Variants in GLRA2 observed in about 807,000 individuals in gnomAD.
GLRA2 encodes glycine receptor subunit alpha-2.
In GLRA2, 11 loss-of-function variants were observed where a neutral mutation model predicts 31.6. The observed-to-expected ratio is 0.35, with a 90% confidence interval of 0.22 to 0.58. The LOEUF (loss-of-function observed/expected upper bound fraction) is 0.58. Ranked by LOEUF, GLRA2 falls within the 20% of genes least tolerant of loss-of-function variation. The pLI is 0.84. For missense variants in GLRA2, 212 were observed against 351.8 expected, an observed-to-expected ratio of 0.60 and a Z score of 3.18; for synonymous variants, 132 against 134.0, an observed-to-expected ratio of 0.99 and a Z score of 0.10.
At chrX:14,469,801 T>C in the GLRA2 span, among the ~76,000 whole-genome samples, 2 of 108,146 alleles carry the variant, frequency 1.8e-5, no homozygotes, top group Non-Finnish European at 3.8e-5. Flanking sequence ...CATATGTAAC[T>C]AACCTGCACA....
At chrX:14,552,731 C>T (rs1422108370) in intron 2 of GLRA2, among the ~76,000 whole-genome samples, 1 of 112,160 alleles carries the variant, frequency 8.9e-6, no homozygotes, top group African/African-American at 3.2e-5. Flanking sequence ...GACCTTCTAC[C>T]TCCATTGCCT....
intron 8 of GLRA2, among the ~76,000 whole-genome samples, chrX:14,695,130 A>T (rs2091424364): frequency 1.8e-5 from 2 of 108,969 alleles, no homozygotes; most frequent in East Asian, 2.8e-4. Context: ...CACAAAACTA[A>T]GTGAGATTAC....
At chrX:14,545,399 A>C (rs934317151) in intron 2 of GLRA2, among the ~76,000 whole-genome samples, 4 of 111,344 alleles carry the variant, frequency 3.6e-5, no homozygotes, top group African/African-American at 1.3e-4. Context: ...ACCCACTCCT[A>C]TGACAATGAC....
At chrX:14,730,134 A>G in intron 8 of GLRA2, 73 bp from the exon 9 acceptor site, 1 of 793,054 alleles carries the variant, frequency 1.3e-6, no homozygotes, top group African/African-American at 2.0e-5. Flanking sequence ...TTTTACTTCT[A>G]AAGAATTTTA....
chrX:14,694,322 T>C (rs747173739), intron 8 of GLRA2, among the ~76,000 whole-genome samples: 23 of 111,904 alleles, frequency 2.1e-4, no homozygotes, highest in African/African-American at 6.5e-4. Context: ...AGGTTAAATA[T>C]ATATATTCAT....
chrX:14,454,156 A>G, the GLRA2 span, among the ~76,000 whole-genome samples: 1 of 48,601 alleles, frequency 2.1e-5, no homozygotes, highest in Non-Finnish European at 3.4e-5. Flanking sequence ...GTATAGAACT[A>G]AACACACCCA....
At chrX:14,622,657 T>A (rs2090535458) in intron 7 of GLRA2, among the ~76,000 whole-genome samples, 1 of 111,838 alleles carries the variant, frequency 8.9e-6, no homozygotes, top group South Asian at 3.7e-4. Flanking sequence ...AAAGATCAGA[T>A]GGTTATAGAT....
Position 14,724,119 on chromosome X carries a change from C to G in GLRA2, c.1081-6088C>G, listed in dbSNP as rs533831877. Among the ~76,000 whole-genome samples, 36 of 111,504 alleles carry G rather than the reference C, an allele frequency of 3.2e-4. 1 individual carries two copies. The South Asian group carries it at 0.013, about 42-fold the overall frequency. On this transcript the variant is annotated intron_variant, in intron 8 of 8. Coordinates refer to ENST00000218075, the MANE Select transcript of GLRA2 (RefSeq NM_002063.4). Reference sequence around the variant, plus strand: ...TTTTTTCCAAAGCACCCATCATTATCTGTGTGTGTCTTGTGTGTATATGCA... The same window carrying G: ...TTTTTTCCAAAGCACCCATCATTATGTGTGTGTGTCTTGTGTGTATATGCA...
At chrX:14,711,318 C>G (rs1479710345) in intron 8 of GLRA2, among the ~76,000 whole-genome samples, 2 of 112,087 alleles carry the variant, frequency 1.8e-5, no homozygotes, top group Non-Finnish European at 3.8e-5. Flanking sequence ...ATCCAGTGAC[C>G]CAGGGACAAC....
intron 7 of GLRA2, among the ~76,000 whole-genome samples, chrX:14,650,431 T>C (rs1189394036): frequency 1.8e-5 from 2 of 110,393 alleles, no homozygotes; most frequent in Non-Finnish European, 3.8e-5. Context: ...TAGTGACAGG[T>C]TAATCAAATA....
intron 7 of GLRA2, among the ~76,000 whole-genome samples, chrX:14,663,411 G>C (rs145405482): frequency 0.028 from 3,112 of 110,517 alleles, 71 homozygotes; most frequent in African/African-American, 0.078. Flanking sequence ...TGAAAAAGTA[G>C]ATGATGCTAA....
intron 4 of GLRA2, among the ~76,000 whole-genome samples, chrX:14,597,784 G>T (rs1372157076): frequency 1.8e-5 from 2 of 111,815 alleles, no homozygotes; most frequent in Admixed American, 1.9e-4. Flanking sequence ...GTCGGTTAAA[G>T]CTGTATTCAA....
chrX:14,650,578 C>A (rs2090878683), intron 7 of GLRA2, among the ~76,000 whole-genome samples: 1 of 110,994 alleles, frequency 9.0e-6, no homozygotes. Flanking sequence ...AGGCTTTCTA[C>A]CCATTGAGAA....
At chrX:14,478,649 G>C in the GLRA2 span, among the ~76,000 whole-genome samples, 4 of 112,066 alleles carry the variant, frequency 3.6e-5, no homozygotes, top group Non-Finnish European at 5.6e-5. Flanking sequence ...TCTTCTGTTG[G>C]TGATAGTTTT....
chrX:14,474,957 GAAAC>G, the GLRA2 span, among the ~76,000 whole-genome samples: 1 of 112,117 alleles, frequency 8.9e-6, no homozygotes, highest in Middle Eastern at 4.6e-3. Flanking sequence ...CTATGAATAG[GAAAC>G]AAATATTTGT....
intron 8 of GLRA2, among the ~76,000 whole-genome samples, chrX:14,716,101 G>A (rs5935800): frequency 0.47 from 52,035 of 109,612 alleles, 9,486 homozygotes; most frequent in Non-Finnish European, 0.57. Context: ...TCTCAGGGCC[G>A]GGGTTGAAAG....
chrX:14,460,394 G>T, the GLRA2 span, among the ~76,000 whole-genome samples: 1 of 111,864 alleles, frequency 8.9e-6, no homozygotes, highest in Non-Finnish European at 1.9e-5. Flanking sequence ...CATAAAATGC[G>T]TTAGGGAGGA....
At chrX:14,573,319 T>G (rs1010570593) in intron 2 of GLRA2, among the ~76,000 whole-genome samples, 16 of 111,699 alleles carry the variant, frequency 1.4e-4, no homozygotes, top group Non-Finnish European at 3.0e-4. Flanking sequence ...TTTCACTGCC[T>G]TCGAGGGAGG....
chrX:14,681,097 C>A (rs1003537679), intron 7 of GLRA2, among the ~76,000 whole-genome samples: 2 of 112,142 alleles, frequency 1.8e-5, no homozygotes, highest in Admixed American at 9.5e-5. Context: ...GTTAAAGGTG[C>A]ACAACGTGCG....
Sources: allele counts gnomAD v4.1 joint callset (sites outside exome capture counted in the v4.1 genomes callset), GRCh38; gene constraint gnomAD v4.1.1; transcripts MANE v1.5; gene names NCBI Gene and HGNC (gene_info 2026-07-23, HGNC 2026-07-21).